The following KPNA1 variants were observed in gnomAD, a reference collection of about 807,000 sequenced individuals.
The protein encoded by KPNA1 is importin subunit alpha-5.
Under a neutral mutation model 70.5 loss-of-function variants are expected in KPNA1, and 10 were observed. That is an observed-to-expected ratio of 0.14 (90% CI 0.09 to 0.24). KPNA1 has a LOEUF of 0.24. KPNA1 is among the 10% of genes least tolerant of loss of function. KPNA1 has a pLI of 1.00. For synonymous variants in KPNA1, 192 were observed against 221.9 expected (o/e 0.87, Z 1.20); for missense variants, 397 against 637.9 (o/e 0.62, Z 4.07).
intron 6 of KPNA1, among the ~76,000 whole-genome samples, chr3:122,452,709 CGGAGGGAA>C (rs140094237): frequency 0.19 from 15,601 of 80,280 alleles, 1,128 homozygotes; most frequent in East Asian, 0.4. Context: ...GACGGAGAGA[CGGAGGGAA>C]GGAGGGAAGG....
chr3:122,454,098 A>C, intron 5 of KPNA1, 97 bp from the exon 6 acceptor site: 1 of 831,192 alleles, frequency 1.2e-6, no homozygotes, highest in Non-Finnish European at 1.8e-6. Context: ...AAAGATTCTG[A>C]GATCATTATT....
At chr3:122,453,518 T>C (rs199853776) in intron 6 of KPNA1, among the ~76,000 whole-genome samples, 7 of 91,768 alleles carry the variant, frequency 7.6e-5, no homozygotes, top group Admixed American at 5.0e-4. Context: ...TTGTGGTTTT[T>C]TTTGTTTTTC....
chr3:122,457,251 T>G (rs1266585506), intron 5 of KPNA1, among the ~76,000 whole-genome samples: 1 of 152,222 alleles, frequency 6.6e-6, no homozygotes, highest in Admixed American at 6.5e-5. Flanking sequence ...CCTTGGGTAC[T>G]AGATTAGAAT....
At chr3:122,440,652 A>G (rs1429267824) in intron 10 of KPNA1, among the ~76,000 whole-genome samples, 1 of 152,236 alleles carries the variant, frequency 6.6e-6, no homozygotes, top group Non-Finnish European at 1.5e-5. Flanking sequence ...ATATCCTTCC[A>G]GAGAAATTTT....
intron 2 of KPNA1, chr3:122,483,306 C>T (rs952247922): frequency 8.4e-5 from 13 of 153,992 alleles, no homozygotes; most frequent in African/African-American, 3.1e-4. Context: ...CCTTCTTGTA[C>T]TATCCACAGG....
Position 122,427,625 on chromosome 3 carries a change from C to G in KPNA1, c.1342G>C (p.Glu448Gln). The G allele has an allele frequency of 1.2e-6, 2 of 1,614,122 alleles. No homozygotes were observed. The highest frequency in any genetic ancestry group is 1.3e-5 in the African/African-American group (1 of 75,050). The change falls in exon 13 of 14, where the codon GAA becomes CAA. Residue 448 changes from glutamate (E) to glutamine (Q), a missense_variant. By Grantham distance (29) the Glu-to-Gln change is conservative. Coordinates refer to ENST00000344337, the MANE Select transcript of KPNA1 (RefSeq NM_002264.4). The stretch of plus-strand genomic sequence containing the variant: ...TGTTCTCCAAGCCTCAGGATATTTT[C>G]CAAGCCATTTAGGGCAACCTGTACA... The part of the protein sequence containing the change: ...KIVQVALNGL[E>Q]NILRLGEQEA...
At chr3:122,462,971 C>T (rs935273125) in intron 4 of KPNA1, among the ~76,000 whole-genome samples, 8 of 152,016 alleles carry the variant, frequency 5.3e-5, no homozygotes, top group African/African-American at 1.7e-4. Flanking sequence ...GCCTGTAATC[C>T]CAGTATTTTG....
intron 2 of KPNA1, among the ~76,000 whole-genome samples, chr3:122,476,868 A>AAAAAAAAAAAAAAAAAAC (rs2076504862): frequency 6.7e-6 from 1 of 149,468 alleles, no homozygotes; most frequent in East Asian, 2.0e-4. Context: ...CCACAAAAAA[A>AAAAAAAAAAAAAAAAAAC]AAAAAAAAAA....
At chr3:122,437,344 C>A in intron 10 of KPNA1, 49 bp from the exon 11 acceptor site, 2 of 1,358,498 alleles carry the variant, frequency 1.5e-6, no homozygotes. Flanking sequence ...TTCTAAATAT[C>A]AATGTTTAAC....
At chr3:122,466,019 A>G (rs1214654014) in intron 3 of KPNA1, among the ~76,000 whole-genome samples, 2 of 152,176 alleles carry the variant, frequency 1.3e-5, no homozygotes, top group Non-Finnish European at 2.9e-5. Context: ...AACACTTTAT[A>G]TTCACTTAAC....
chr3:122,450,960 T>TA (rs1161201461), intron 8 of KPNA1, among the ~76,000 whole-genome samples: 1 of 152,096 alleles, frequency 6.6e-6, no homozygotes, highest in Non-Finnish European at 1.5e-5. Context: ...CGCAAAAGCG[T>TA]AAGAATGATA....
intron 4 of KPNA1, 70 bp downstream of exon 4, chr3:122,463,872 G>A (rs2107747141): frequency 1.4e-6 from 1 of 729,444 alleles, no homozygotes; most frequent in East Asian, 2.7e-5. Context: ...CCTGTGGTAT[G>A]AAAAACAGAC....
At chr3:122,460,648 G>GAAA in intron 5 of KPNA1, 35 of 481,044 alleles carry the variant, frequency 7.3e-5, no homozygotes, top group South Asian at 1.9e-4. Context: ...AGAAAAAGAA[G>GAAA]AAAAAAAAAA....
chr3:122,459,723 G>C (rs538480894), intron 5 of KPNA1: 1 of 985,348 alleles, frequency 1.0e-6, no homozygotes, highest in Non-Finnish European at 1.2e-6. Flanking sequence ...ATGGGAACTG[G>C]TAAGTGTCAA....
At chr3:122,430,545 G>C (rs1202912327) in intron 12 of KPNA1, among the ~76,000 whole-genome samples, 1 of 76,624 alleles carries the variant, frequency 1.3e-5, no homozygotes, top group Non-Finnish European at 3.1e-5. Context: ...TGTGTGTGTG[G>C]TTTCTCAAAT....
chr3:122,490,847 T>C (rs1417662261), intron 2 of KPNA1, among the ~76,000 whole-genome samples: 1 of 152,174 alleles, frequency 6.6e-6, no homozygotes. Flanking sequence ...TCTTTAATTT[T>C]CTTATTTACT....
chr3:122,457,359 T>C lies in KPNA1; in HGVS notation c.433-3358A>G, dbSNP rs138972225. ...AAACAGCCAAAAAAATTAATTAAAG[T>C]AAGCAACCCTGTTACCAGGAAATCA... On this transcript the variant is annotated intron_variant, in intron 5 of 13. Transcript: ENST00000344337. Among the ~76,000 whole-genome samples the C allele has an allele frequency of 2.0e-3, 301 of 151,124 alleles. 1 individual carries two copies. Among genetic ancestry groups the C allele is most frequent in the African/African-American group, 7.2e-3 (295 of 41,212 alleles).
chr3:122,510,896 C>T lies in KPNA1; in HGVS notation c.-6+3861G>A, dbSNP rs74724823. Among the ~76,000 whole-genome samples, 1,312 of 152,056 alleles carry T rather than the reference C, an allele frequency of 8.6e-3. 18 individuals are homozygous for T. The highest frequency in any genetic ancestry group is 0.028 in the African/African-American group (1,170 of 41,464). The stretch of plus-strand genomic sequence containing the variant: ...ACAAGGAACTTGAACAATCTCACGA[C>T]GGTTATATTAGATCTTCAGTATTAT... On this transcript the variant is annotated intron_variant, in intron 1 of 13. Coordinates refer to ENST00000344337, the MANE Select transcript of KPNA1 (RefSeq NM_002264.4).
Position 122,449,656 on chromosome 3 carries a change from A to G in KPNA1, c.835T>C (p.Ser279Pro), listed in dbSNP as rs2076177802. ...TCATTGGGTCCATCTGATAGATATG[A>G]GAGGGCCCAGCAGGCATCAGCCAGT... The part of the protein sequence containing the change: ...DVLADACWAL[S>P]YLSDGPNDKI... The change falls in exon 9 of 14, where the codon TCA becomes CCA. Residue 279 changes from serine (S) to proline (P), a missense_variant. Ser to Pro is a moderately conservative substitution (Grantham distance 74, BLOSUM62 -1). Coordinates refer to ENST00000344337, the MANE Select transcript of KPNA1 (RefSeq NM_002264.4). 6.2e-7 allele frequency: 1 copy of G among 1,613,748 alleles called. No homozygotes were observed. The highest frequency in any genetic ancestry group is 1.1e-5 in the South Asian group (1 of 91,054).
Sources: gnomAD v4.1 joint callset for allele counts (sites outside exome capture counted in the v4.1 genomes callset) on GRCh38, gnomAD v4.1.1 for gene constraint, MANE v1.5 for transcripts, NCBI Gene and HGNC (gene_info 2026-07-23, HGNC 2026-07-21) for gene names.